The following ASTN2 variants were observed in gnomAD, a reference collection of about 807,000 sequenced individuals.
ASTN2 encodes astrotactin 2.
ASTN2 carries 54 observed loss-of-function variants against 139.8 expected under a neutral mutation model. That is an observed-to-expected ratio of 0.39 (90% CI 0.31 to 0.48). The LOEUF is 0.48. Among genes scored for constraint, ASTN2 ranks in the 20% least tolerant of loss-of-function variants. The pLI is 0.95. For synonymous variants in ASTN2, 756 were observed against 719.5 expected (o/e 1.05, Z -0.81); for missense variants, 1,565 against 1,725.1 (o/e 0.91, Z 1.64).
chr9:116,736,146 G>T (rs1828919808), intron 13 of ASTN2, among the ~76,000 whole-genome samples: 1 of 152,128 alleles, frequency 6.6e-6, no homozygotes, highest in Non-Finnish European at 1.5e-5. Context: ...GTAATATATT[G>T]CTTTCAACCA....
At chr9:116,434,018 G>A (rs1304087584) in intron 22 of ASTN2, among the ~76,000 whole-genome samples, 1 of 152,054 alleles carries the variant, frequency 6.6e-6, no homozygotes, top group Non-Finnish European at 1.5e-5. Flanking sequence ...TACTGTCGGT[G>A]GGGAAAACAG....
intron 19 of ASTN2, among the ~76,000 whole-genome samples, chr9:116,576,517 G>A (rs1853727602): frequency 6.6e-6 from 1 of 152,260 alleles, no homozygotes; most frequent in Non-Finnish European, 1.5e-5. Flanking sequence ...AGGGTAGGAG[G>A]GGATGATCCT....
chr9:117,309,599 T>A (rs1827904869), intron 1 of ASTN2, among the ~76,000 whole-genome samples: 1 of 152,176 alleles, frequency 6.6e-6, no homozygotes. Context: ...AAAGCAAACC[T>A]TCCATCCCTA....
intron 20 of ASTN2, among the ~76,000 whole-genome samples, chr9:116,449,049 C>T (rs557003084): frequency 4.5e-4 from 69 of 152,304 alleles, no homozygotes; most frequent in African/African-American, 1.6e-3. Flanking sequence ...TGTTCTACAA[C>T]CTACTATCCT....
In ASTN2 at chr9:116,654,085, C is replaced by T. The variant is rs1477373575; in HGVS notation, c.2807-2292G>A. 2.6e-5 allele frequency among the ~76,000 whole-genome samples: 4 copies of T among 152,114 alleles called. No homozygotes were observed. The East Asian group carries it at 5.8e-4, about 22-fold the overall frequency. ...GACTTCAAACTTGGGAGAGAATAGC[C>T]GTTCGGGGAGAAGGTCAAGAGAGAG... On this transcript the variant is annotated intron_variant, in intron 16 of 22. Transcript: ENST00000313400.
chr9:117,096,102 G>T lies in ASTN2; in HGVS notation c.1218C>A (p.Asp406Glu). The T allele has an allele frequency of 2.5e-6, 4 of 1,613,998 alleles. No homozygotes were observed. The highest frequency in any genetic ancestry group is 3.4e-6 in the Non-Finnish European group (4 of 1,179,962). ...RAKGTSGSEA[D>E]DETQLTFYTE... is the part of the protein sequence containing the mutation. ...TGTAGAATGTCAGCTGAGTTTCATCGTCTGCCTCTGAGCCCGACGTCCCCT... is the reference window on the plus strand; with the variant it reads ...TGTAGAATGTCAGCTGAGTTTCATCTTCTGCCTCTGAGCCCGACGTCCCCT... Residue 406 changes from aspartate to glutamate, a missense_variant, in exon 5 of 23, where the codon GAC becomes GAA. Asp to Glu is a conservative substitution (Grantham distance 45). Coordinates refer to ENST00000313400, the MANE Select transcript of ASTN2 (RefSeq NM_001365068.1).
intron 6 of ASTN2, among the ~76,000 whole-genome samples, chr9:117,018,533 G>A (rs938522794): frequency 6.6e-6 from 1 of 152,122 alleles, no homozygotes; most frequent in Non-Finnish European, 1.5e-5. Context: ...GTGTATGTTT[G>A]TAAGTGTTCC....
chr9:116,632,248 A>AGAAAGAAAGAAAGAAAGAAG, intron 17 of ASTN2, among the ~76,000 whole-genome samples: 1 of 91,128 alleles, frequency 1.1e-5, no homozygotes, highest in East Asian at 5.0e-4. Context: ...AAAGAAAGAA[A>AGAAAGAAAGAAAGAAAGAAG]GAAGGAAAGA....
intron 19 of ASTN2, among the ~76,000 whole-genome samples, chr9:116,493,248 G>A (rs560818297): frequency 6.6e-6 from 1 of 152,134 alleles, no homozygotes; most frequent in Non-Finnish European, 1.5e-5. Flanking sequence ...CGTCCTCCCT[G>A]GTACCTTGTT....
At chr9:116,800,516 C>T (rs1160477030) in intron 13 of ASTN2, among the ~76,000 whole-genome samples, 2 of 152,248 alleles carry the variant, frequency 1.3e-5, no homozygotes, top group Non-Finnish European at 2.9e-5. Context: ...AGGTAGCTCC[C>T]CATGGAGTGG....
At position 117,414,510 on chromosome 9, in the gene ASTN2, G is replaced by A. The variant is rs1201821052; in HGVS notation, c.429C>T (p.Pro143=). ...GCCCAGCCTTACCCAGGGTGAAGAA[G>A]GGCAGCTCGGTGTTGTCCAGGTCGT... ...VQDDLDNTEL[P]FFTLEMSGTA... The change falls in exon 1 of 23, where the codon CCC becomes CCT. Residue 143 remains proline (P), a synonymous_variant. Transcript: ENST00000313400. This position sits in a 1 kb window ranked among gnomAD's most constrained non-coding sequence, Gnocchi z 4.2. The A allele has an allele frequency of 5.6e-6, 9 of 1,608,882 alleles. No homozygotes were observed. Among genetic ancestry groups the A allele is most frequent in the South Asian group, 5.5e-5 (5 of 90,972 alleles).
intron 20 of ASTN2, among the ~76,000 whole-genome samples, chr9:116,486,028 T>TCACACC (rs1230973878): frequency 6.6e-6 from 1 of 152,240 alleles, no homozygotes; most frequent in East Asian, 1.9e-4. Flanking sequence ...CCAGGGTGTT[T>TCACACC]CTTGTTTAAT....
At chr9:116,694,459 C>CTTTTTTTTTTTTT (rs56666915) in intron 16 of ASTN2, among the ~76,000 whole-genome samples, 1 of 88,038 alleles carries the variant, frequency 1.1e-5, no homozygotes, top group Non-Finnish European at 2.0e-5. Context: ...TGTAATTTCT[C>CTTTTTTTTTTTTT]TTTTTTTTTT....
At chr9:117,147,684 C>T (rs1830231688) in intron 3 of ASTN2, among the ~76,000 whole-genome samples, 3 of 152,068 alleles carry the variant, frequency 2.0e-5, no homozygotes, top group Non-Finnish European at 4.4e-5. Flanking sequence ...TCACTTGTTC[C>T]CCCTAACAAC....
At chr9:117,237,046 G>T (rs867562759) in intron 2 of ASTN2, among the ~76,000 whole-genome samples, 1 of 152,066 alleles carries the variant, frequency 6.6e-6, no homozygotes, top group African/African-American at 2.4e-5. Context: ...TCACAGAGTG[G>T]GTGAGACTAC....
chr9:116,909,169 T>C (rs773510702), intron 10 of ASTN2, among the ~76,000 whole-genome samples: 9 of 152,164 alleles, frequency 5.9e-5, no homozygotes, highest in Non-Finnish European at 1.2e-4. Context: ...ATTCCAGATA[T>C]TGTGCAGAGG....
At chr9:116,523,697 G>A (rs2119249931) in intron 19 of ASTN2, among the ~76,000 whole-genome samples, 1 of 152,226 alleles carries the variant, frequency 6.6e-6, no homozygotes. Flanking sequence ...GCTCTGAGGG[G>A]ATGGCTACCA....
At chr9:117,186,493 G>A (rs1328901393) in intron 3 of ASTN2, among the ~76,000 whole-genome samples, 1 of 152,062 alleles carries the variant, frequency 6.6e-6, no homozygotes, top group Non-Finnish European at 1.5e-5. Context: ...CTTGCTGTGA[G>A]CCGAAATCAC....
chr9:116,597,299 A>ATTTTTGTTTTTTTTTTTTTTTTTTTTTT lies in ASTN2; in HGVS notation c.3355+21024_3355+21025insAAAAAAAAAAAAAAAAAAAAAACAAAAA, dbSNP rs1554718677. Among the ~76,000 whole-genome samples, 35 of 75,536 alleles carry ATTTTTGTTTTTTTTTTTTTTTTTTTTTT rather than the reference A, an allele frequency of 4.6e-4. 7 individuals carry two copies. The highest frequency in any genetic ancestry group is 6.4e-4 in the Non-Finnish European group (26 of 40,944). 49.6% of individuals were successfully genotyped at this position (75,536 alleles called of 152,430 possible). On this transcript the variant is annotated intron_variant, in intron 19 of 22. Coordinates refer to ENST00000313400, the MANE Select transcript of ASTN2 (RefSeq NM_001365068.1). ...CAAAATATTCCATGACTTTTGATCT[A>ATTTTTGTTTTTTTTTTTTTTTTTTTTTT]TTTTTTTTTTTTTTTTTTTTTTTTG...
Sources: gnomAD v4.1 joint callset for allele counts (sites outside exome capture counted in the v4.1 genomes callset) on GRCh38, gnomAD v4.1.1 for gene constraint, Gnocchi (gnomAD v3.1) non-coding constraint, MANE v1.5 for transcripts, NCBI Gene and HGNC (gene_info 2026-07-23, HGNC 2026-07-21) for gene names.